The following SLCO1B1 variants were observed in gnomAD, a reference collection of about 807,000 sequenced individuals.
SLCO1B1 encodes the protein solute carrier organic anion transporter family member 1B1, also known as OATP-2.
In SLCO1B1, 81 loss-of-function variants were observed where a neutral mutation model predicts 70.1. The observed-to-expected ratio is 1.16, with a 90% CI of 0.97 to 1.39. SLCO1B1 has a LOEUF of 1.39. Ranked by LOEUF, SLCO1B1 falls within the 40% of genes most tolerant of loss-of-function variation. SLCO1B1 has a pLI of 0.00. For synonymous variants in SLCO1B1, 283 were observed against 271.5 expected (o/e 1.04, Z -0.42); for missense variants, 895 against 799.6 (o/e 1.12, Z -1.44).
At chr12:21,172,910 A>G (rs1353737592) in intron 3 of SLCO1B1, 119 bp downstream of exon 3, 1 of 949,760 alleles carries the variant, frequency 1.1e-6, no homozygotes, top group Non-Finnish European at 1.6e-6. Context: ...GGCAATAACT[A>G]AAAACATTTG....
intron 11 of SLCO1B1, among the ~76,000 whole-genome samples, chr12:21,207,348 G>A (rs945195342): frequency 6.6e-6 from 1 of 151,708 alleles, no homozygotes; most frequent in East Asian, 1.9e-4. Flanking sequence ...TATTCGTGTG[G>A]ACCCAGTGAT....
intron 8 of SLCO1B1, among the ~76,000 whole-genome samples, chr12:21,197,868 G>A (rs1049044733): frequency 6.6e-6 from 1 of 152,112 alleles, no homozygotes; most frequent in African/African-American, 2.4e-5. Context: ...ATCAGCATTT[G>A]ACAGTGCCTC....
At chr12:21,166,898 C>T (rs536064181) in intron 2 of SLCO1B1, among the ~76,000 whole-genome samples, 1 of 152,164 alleles carries the variant, frequency 6.6e-6, no homozygotes, top group Non-Finnish European at 1.5e-5. Context: ...CCAAGGTGTC[C>T]TTCAATATGA....
intron 2 of SLCO1B1, among the ~76,000 whole-genome samples, chr12:21,142,357 A>G (rs1358167617): frequency 1.3e-5 from 2 of 151,984 alleles, no homozygotes; most frequent in African/African-American, 4.8e-5. Flanking sequence ...CAAGACTCAG[A>G]AAAGTTAAGA....
intron 4 of SLCO1B1, among the ~76,000 whole-genome samples, chr12:21,175,938 T>C (rs4149042): frequency 0.32 from 48,474 of 151,898 alleles, 9,393 homozygotes; most frequent in African/African-American, 0.53. Flanking sequence ...TATGTGACAC[T>C]TTTGCACCTG....
rs1247806336 is a variant in SLCO1B1 at position 21,228,836 on chromosome 12, C to G, written c.1865+3997C>G. ...GGCTTCTAACTGCCAGGAAATGCTC[C>G]GGGCTTAGCTCACACACCCTTTTCT... On this transcript the variant is annotated intron_variant, in intron 14 of 14. Transcript: ENST00000256958. 1.3e-5 allele frequency among the ~76,000 whole-genome samples: 2 copies of G among 152,078 alleles called. 1 individual carries two copies. Among genetic ancestry groups the G allele is most frequent in the South Asian group, 4.1e-4 (2 of 4,826 alleles).
chr12:21,206,216 G>T (rs2121156421), intron 11 of SLCO1B1, among the ~76,000 whole-genome samples, 183 bp downstream of exon 11: 1 of 151,990 alleles, frequency 6.6e-6, no homozygotes, highest in South Asian at 2.1e-4. Context: ...AGTCTGCTTA[G>T]GGCACAATCA....
chr12:21,132,609 T>C (rs997244951), intron 1 of SLCO1B1, among the ~76,000 whole-genome samples: 1 of 152,232 alleles, frequency 6.6e-6, no homozygotes, highest in East Asian at 1.9e-4. Flanking sequence ...TTTTTTCACG[T>C]GTTTTTTGGC....
intron 1 of SLCO1B1, among the ~76,000 whole-genome samples, chr12:21,136,056 T>A (rs1271712402): frequency 6.6e-6 from 1 of 152,216 alleles, no homozygotes; most frequent in East Asian, 1.9e-4. Flanking sequence ...CATTTGCTTG[T>A]CTGTGAAGGA....
At chr12:21,166,172 A>C (rs1181716916) in intron 2 of SLCO1B1, among the ~76,000 whole-genome samples, 1 of 152,168 alleles carries the variant, frequency 6.6e-6, no homozygotes, top group Non-Finnish European at 1.5e-5. Flanking sequence ...ATTTGATAAA[A>C]TATATGATCT....
At chr12:21,211,825 C>G (rs186241242) in intron 11 of SLCO1B1, among the ~76,000 whole-genome samples, 2,980 of 152,104 alleles carry the variant, frequency 0.02, 92 homozygotes, top group African/African-American at 0.068. Flanking sequence ...TCCATTTCTT[C>G]TAGATTTTCT....
At chr12:21,182,103 G>A (rs1211526777) in intron 7 of SLCO1B1, among the ~76,000 whole-genome samples, 2 of 152,132 alleles carry the variant, frequency 1.3e-5, no homozygotes, top group Non-Finnish European at 2.9e-5. Context: ...AAAGTCAATA[G>A]AGAGGTGACA....
intron 2 of SLCO1B1, among the ~76,000 whole-genome samples, chr12:21,148,310 T>C (rs1367397773): frequency 6.6e-6 from 1 of 152,208 alleles, no homozygotes; most frequent in African/African-American, 2.4e-5. Context: ...TGGTATTGCC[T>C]AGGTTTTGTT....
intron 14 of SLCO1B1, among the ~76,000 whole-genome samples, chr12:21,233,621 G>T (rs985743700): frequency 6.7e-6 from 1 of 149,326 alleles, no homozygotes; most frequent in African/African-American, 2.5e-5. Flanking sequence ...GGCCCCTAAA[G>T]AAGCCAAATC....
intron 11 of SLCO1B1, among the ~76,000 whole-genome samples, chr12:21,209,481 C>T (rs1420776103): frequency 1.3e-5 from 2 of 152,076 alleles, no homozygotes; most frequent in African/African-American, 2.4e-5. Flanking sequence ...GGGTGGGTTC[C>T]AAGTCTTTGC....
chr12:21,158,297 T>A (rs1218714319), intron 2 of SLCO1B1, among the ~76,000 whole-genome samples: 1 of 152,216 alleles, frequency 6.6e-6, no homozygotes, highest in Non-Finnish European at 1.5e-5. Context: ...TATATCCATG[T>A]TATTAGATGT....
chr12:21,138,676 T>C (rs1321389986), intron 1 of SLCO1B1, among the ~76,000 whole-genome samples: 1 of 152,188 alleles, frequency 6.6e-6, no homozygotes, highest in Non-Finnish European at 1.5e-5. Context: ...ACTTCAGGTA[T>C]ATTCTCCACT....
intron 11 of SLCO1B1, among the ~76,000 whole-genome samples, chr12:21,213,946 T>C (rs1485465778): frequency 6.7e-6 from 1 of 149,866 alleles, no homozygotes; most frequent in Non-Finnish European, 1.5e-5. Flanking sequence ...CTGTATTGGT[T>C]ATTCTAGTTA....
chr12:21,198,389 G>C lies in SLCO1B1; in HGVS notation c.970+1201G>C, dbSNP rs185269051. Among the ~76,000 whole-genome samples the C allele has an allele frequency of 1.1e-4, 16 of 152,174 alleles. No individual in the cohort carries two copies. The East Asian group carries it at 2.7e-3, about 26-fold the overall frequency. ...TTAAAATTTAACATTCACACTAAAA[G>C]TACTATACCAATAATTTTCATTTTG... On this transcript the variant is annotated intron_variant, in intron 8 of 14. Coordinates refer to ENST00000256958, the MANE Select transcript of SLCO1B1 (RefSeq NM_006446.5).
Sources: allele counts gnomAD v4.1 joint callset (sites outside exome capture counted in the v4.1 genomes callset), GRCh38; gene constraint gnomAD v4.1.1; transcripts MANE v1.5; gene names NCBI Gene and HGNC (gene_info 2026-07-23, HGNC 2026-07-21).